Variants in PTBP3 observed in about 807,000 individuals in gnomAD.
PTBP3 encodes polypyrimidine tract binding protein 3.
PTBP3 carries 20 observed loss-of-function variants against 58.7 expected under a neutral mutation model. The observed-to-expected ratio is 0.34, with a 90% confidence interval of 0.24 to 0.50. The LOEUF (loss-of-function observed/expected upper bound fraction) is 0.50. Among genes scored for constraint, PTBP3 ranks in the 20% least tolerant of loss-of-function variants. The probability of loss-of-function intolerance (pLI) is 0.98; values close to 1 mark genes in which losing one functional copy is unlikely to be tolerated. For synonymous variants in PTBP3, 185 were observed against 219.8 expected (o/e 0.84, Z 1.40); for missense variants, 509 against 637.2 (o/e 0.80, Z 2.17).
chr9:112,264,373 A>G lies in PTBP3; in HGVS notation c.352-1774T>C, dbSNP rs139535271. Among the ~76,000 whole-genome samples, 56 of 152,320 alleles carry G rather than the reference A, an allele frequency of 3.7e-4. No individual in the cohort carries two copies. The East Asian group carries it at 8.9e-3, about 24-fold the overall frequency. ...CTGCATACAATAATGACTCCTATTA[A>G]CACGACCATTTCTCAAATGCTGTAT... On this transcript the variant is annotated intron_variant, in intron 4 of 13. Transcript: ENST00000374257.
chr9:112,223,696 A>C lies in PTBP3; in HGVS notation c.*155T>G, dbSNP rs1280522118. 2 of 1,360,330 alleles carry C rather than the reference A, an allele frequency of 1.5e-6. No homozygotes were observed. Among genetic ancestry groups the C allele is most frequent in the Non-Finnish European group, 1.9e-6 (2 of 1,058,650 alleles). 84.3% of individuals were successfully genotyped at this position (1,360,330 alleles called of 1,614,324 possible). A position where few individuals can be genotyped will look rare whatever the true frequency, so the allele number is the denominator to read the frequency against. The stretch of plus-strand genomic sequence containing the variant: ...CTGGCGGGGGCAGGGGGAATACAAA[A>C]AAAAAAAATCCCTTGATTTTTAAAA... On this transcript the variant is annotated 3_prime_UTR_variant, in exon 14 of 14. Transcript: ENST00000374257.
chr9:112,378,441 C>T, the PTBP3 span, among the ~76,000 whole-genome samples: 2 of 152,136 alleles, frequency 1.3e-5, no homozygotes, highest in African/African-American at 2.4e-5. Flanking sequence ...AATAGAAGCA[C>T]ACAAATTCAA....
chr9:112,315,170 G>A (rs1244382139), intron 1 of PTBP3, among the ~76,000 whole-genome samples: 4 of 151,892 alleles, frequency 2.6e-5, no homozygotes, highest in Non-Finnish European at 5.9e-5. Context: ...AACAAAATTA[G>A]ACTACACATT....
Position 112,219,335 on chromosome 9 carries a change from A to C in PTBP3, c.*4516T>G, listed in dbSNP as rs1439000663. 1 of 152,548 alleles carries C rather than the reference A, an allele frequency of 6.6e-6. No homozygotes were observed. The highest frequency in any genetic ancestry group is 1.5e-5 in the Non-Finnish European group (1 of 68,044). 9.4% of individuals were successfully genotyped at this position (152,548 alleles called of 1,614,324 possible). A position where few individuals can be genotyped will look rare whatever the true frequency, so the allele number is the denominator to read the frequency against. On this transcript the variant is annotated 3_prime_UTR_variant, in exon 14 of 14. Coordinates refer to ENST00000374257, the MANE Select transcript of PTBP3 (RefSeq NM_001163788.4). ...TATGATTTTTTTAATGGCATCAAAAAAATAGCTATTTAAATATTTGTTATT... is the reference window on the plus strand; with the variant it reads ...TATGATTTTTTTAATGGCATCAAAACAATAGCTATTTAAATATTTGTTATT...
intron 1 of PTBP3, 106 bp from the exon 2 acceptor site, chr9:112,298,022 G>A: frequency 2.3e-6 from 2 of 877,456 alleles, no homozygotes; most frequent in Non-Finnish European, 1.7e-6. Context: ...TTTGTATGAA[G>A]ACATTAAAGG....
At chr9:112,251,460 T>C (rs1836113794) in intron 6 of PTBP3, among the ~76,000 whole-genome samples, 2 of 152,192 alleles carry the variant, frequency 1.3e-5, no homozygotes, top group African/African-American at 4.8e-5. Flanking sequence ...GATACTCTGA[T>C]TTTACATTCC....
At chr9:112,322,255 C>T (rs1829985926) in intron 1 of PTBP3, among the ~76,000 whole-genome samples, 1 of 151,948 alleles carries the variant, frequency 6.6e-6, no homozygotes, top group Non-Finnish European at 1.5e-5. Flanking sequence ...TAGTCTTATC[C>T]TGATGTTTTC....
the PTBP3 span, among the ~76,000 whole-genome samples, chr9:112,338,889 T>C: frequency 2.0e-5 from 3 of 152,216 alleles, no homozygotes; most frequent in Admixed American, 2.0e-4. Context: ...ATGTCTATGC[T>C]GAAGGTGCTG....
chr9:112,340,500 CATA>C, the PTBP3 span, among the ~76,000 whole-genome samples: 3 of 152,126 alleles, frequency 2.0e-5, no homozygotes, highest in African/African-American at 7.2e-5. Flanking sequence ...TTTTAAATAA[CATA>C]ATAATTTTGT....
chr9:112,375,583 G>A, the PTBP3 span, among the ~76,000 whole-genome samples: 20 of 152,278 alleles, frequency 1.3e-4, no homozygotes, highest in African/African-American at 4.3e-4. Flanking sequence ...AACTCCCCAT[G>A]AGGCCACTGG....
intron 1 of PTBP3, among the ~76,000 whole-genome samples, chr9:112,322,537 C>G (rs2418205): frequency 0.84 from 127,904 of 152,218 alleles, 54,028 homozygotes; most frequent in African/African-American, 0.92. Context: ...AGAAGAGGGG[C>G]CAAAAACAAG....
At chr9:112,265,257 C>A (rs568951844) in intron 4 of PTBP3, among the ~76,000 whole-genome samples, 2 of 152,192 alleles carry the variant, frequency 1.3e-5, no homozygotes, top group South Asian at 4.2e-4. Context: ...AATCCTAGCA[C>A]TTTGGGAGAC....
chr9:112,369,657 A>G, the PTBP3 span, among the ~76,000 whole-genome samples: 42,042 of 151,978 alleles, frequency 0.28, 6,685 homozygotes, highest in African/African-American at 0.41. Flanking sequence ...ATGAGACTTC[A>G]GACTATGAAC....
intron 4 of PTBP3, among the ~76,000 whole-genome samples, chr9:112,262,841 G>C (rs1293569789): frequency 2.0e-5 from 3 of 152,130 alleles, no homozygotes; most frequent in African/African-American, 7.2e-5. Flanking sequence ...AAAACACATG[G>C]ATAAAAGGAG....
At chr9:112,287,910 T>A (rs995875519) in intron 2 of PTBP3, among the ~76,000 whole-genome samples, 2 of 152,242 alleles carry the variant, frequency 1.3e-5, no homozygotes, top group Non-Finnish European at 2.9e-5. Context: ...TTTCTGTTGA[T>A]TAATTTTTCA....
intron 2 of PTBP3, among the ~76,000 whole-genome samples, chr9:112,293,499 G>A (rs1828535619): frequency 6.6e-6 from 1 of 152,142 alleles, no homozygotes; most frequent in African/African-American, 2.4e-5. Flanking sequence ...TCCTTCCCTT[G>A]TAAAGTAATA....
At chr9:112,372,613 C>T in the PTBP3 span, among the ~76,000 whole-genome samples, 1 of 152,154 alleles carries the variant, frequency 6.6e-6, no homozygotes, top group Non-Finnish European at 1.5e-5. Context: ...CTTTCTATCT[C>T]TACAGATTTA....
At chr9:112,349,916 A>C in the PTBP3 span, among the ~76,000 whole-genome samples, 17 of 148,090 alleles carry the variant, frequency 1.1e-4, no homozygotes, top group African/African-American at 4.2e-4. Flanking sequence ...CAGGACACCC[A>C]GTTGGAAATT....
intron 1 of PTBP3, among the ~76,000 whole-genome samples, chr9:112,302,751 A>G (rs1828999154): frequency 1.3e-5 from 2 of 151,890 alleles, no homozygotes; most frequent in African/African-American, 4.8e-5. Flanking sequence ...CACAACACCC[A>G]GCTAATTTTT....
Sources: gnomAD v4.1 joint callset for allele counts (sites outside exome capture counted in the v4.1 genomes callset) on GRCh38, gnomAD v4.1.1 for gene constraint, MANE v1.5 for transcripts, NCBI Gene and HGNC (gene_info 2026-07-23, HGNC 2026-07-21) for gene names.